The following GATAD2B variants were observed in gnomAD, a reference collection of about 807,000 sequenced individuals.
GATAD2B encodes GATA zinc finger domain containing 2B.
A neutral mutation model predicts 64.3 loss-of-function variants in GATAD2B; 8 were observed. The ratio of observed to expected loss-of-function variants is 0.12; its 90% confidence interval spans 0.07 to 0.22. The LOEUF (loss-of-function observed/expected upper bound fraction) is 0.22, where lower values mean the gene tolerates loss of function less well. Ranked by LOEUF, GATAD2B falls within the 10% of genes least tolerant of loss-of-function variation. The pLI is 1.00. For synonymous variants in GATAD2B, 281 were observed against 271.3 expected, an observed-to-expected ratio of 1.04 and a Z score of -0.35; for missense variants, 453 against 752.0, an observed-to-expected ratio of 0.60 and a Z score of 4.65.
intron 1 of GATAD2B, among the ~76,000 whole-genome samples, chr1:153,850,781 C>G (rs1675860560): frequency 6.6e-6 from 1 of 151,872 alleles, no homozygotes; most frequent in African/African-American, 2.4e-5. Flanking sequence ...ATTAGCCAGG[C>G]GTGGTGGTGT....
intron 1 of GATAD2B, among the ~76,000 whole-genome samples, chr1:153,868,803 T>C (rs1421962390): frequency 1.3e-5 from 2 of 151,336 alleles, no homozygotes; most frequent in African/African-American, 2.4e-5. Flanking sequence ...TGGCACCATC[T>C]TGGCTCACTG....
At chr1:153,920,616 A>G (rs1678401534) in intron 1 of GATAD2B, among the ~76,000 whole-genome samples, 2 of 152,332 alleles carry the variant, frequency 1.3e-5, no homozygotes, top group South Asian at 2.1e-4. Context: ...ACATACGGTC[A>G]GGGAAGGCAA....
chr1:153,850,696 G>A (rs1249483551), intron 1 of GATAD2B, among the ~76,000 whole-genome samples: 1 of 152,086 alleles, frequency 6.6e-6, no homozygotes, highest in Non-Finnish European at 1.5e-5. Context: ...TACGCAGGCG[G>A]ATTGCTTGAG....
Position 153,852,791 on chromosome 1 carries a change from G to A in GATAD2B, c.-1-24443C>T, listed in dbSNP as rs1298137921. 18 of 934,750 alleles carry A rather than the reference G, an allele frequency of 1.9e-5. No individual in the cohort carries two copies. In the East Asian group the frequency reaches 4.1e-4, roughly 21 times the overall value. 57.9% of individuals were successfully genotyped at this position (934,750 alleles called of 1,614,324 possible). A position where few individuals can be genotyped will look rare whatever the true frequency, so the allele number is the denominator to read the frequency against. On this transcript the variant is annotated intron_variant, in intron 1 of 10. Coordinates refer to ENST00000368655, the MANE Select transcript of GATAD2B (RefSeq NM_020699.4). ...AGTCTAACATAACAACTTGGCTTCT[G>A]AACCATATCATATCCTTCAACTTTT...
chr1:153,831,819 GAA>G (rs1675084890), intron 1 of GATAD2B, among the ~76,000 whole-genome samples: 1 of 152,160 alleles, frequency 6.6e-6, no homozygotes, highest in Admixed American at 6.5e-5. Flanking sequence ...GGCAGAGTAG[GAA>G]AAGTCTGCCA....
chr1:153,889,647 T>C (rs1677306582), intron 1 of GATAD2B: 1 of 756,204 alleles, frequency 1.3e-6, no homozygotes, highest in South Asian at 6.0e-5. Flanking sequence ...AAGTTGTAGA[T>C]GCGTGAACGT....
At chr1:153,818,760 C>T (rs952061923) in intron 4 of GATAD2B, 31 bp downstream of exon 4, 1 of 1,606,104 alleles carries the variant, frequency 6.2e-7, no homozygotes, top group African/African-American at 1.3e-5. Context: ...TCTTTCCTTT[C>T]CCTTAGTCCC....
chr1:153,844,184 T>C (rs565205954), intron 1 of GATAD2B, among the ~76,000 whole-genome samples: 76 of 152,024 alleles, frequency 5.0e-4, no homozygotes, highest in African/African-American at 1.8e-3. Flanking sequence ...GATCAGCACA[T>C]GTGACTGAGG....
At chr1:153,904,808 G>C (rs1355326987) in intron 1 of GATAD2B, among the ~76,000 whole-genome samples, 1 of 152,056 alleles carries the variant, frequency 6.6e-6, no homozygotes, top group African/African-American at 2.4e-5. Context: ...CCTGCTTCAA[G>C]CAATTCTCCT....
At chr1:153,887,949 T>C (rs1297984951) in intron 1 of GATAD2B, among the ~76,000 whole-genome samples, 2 of 151,998 alleles carry the variant, frequency 1.3e-5, no homozygotes, top group East Asian at 3.9e-4. Context: ...TAGCCGGGCA[T>C]GGTGGCAGGC....
At chr1:153,880,481 A>G (rs973596389) in intron 1 of GATAD2B, among the ~76,000 whole-genome samples, 1 of 151,938 alleles carries the variant, frequency 6.6e-6, no homozygotes, top group Non-Finnish European at 1.5e-5. Flanking sequence ...AAACAAAAAC[A>G]AAAAACAAAA....
chr1:153,863,252 G>A (rs1179920664), intron 1 of GATAD2B, among the ~76,000 whole-genome samples: 4 of 152,180 alleles, frequency 2.6e-5, no homozygotes, highest in South Asian at 4.1e-4. Flanking sequence ...GGGCCGAGGC[G>A]GGTGGATCAC....
chr1:153,869,969 C>CG (rs1676608256), intron 1 of GATAD2B, among the ~76,000 whole-genome samples: 1 of 151,494 alleles, frequency 6.6e-6, no homozygotes, highest in Non-Finnish European at 1.5e-5. Flanking sequence ...CTACATTTTC[C>CG]TTTTTTTGAG....
chr1:153,826,136 G>A (rs530560066), intron 2 of GATAD2B, among the ~76,000 whole-genome samples: 4 of 151,852 alleles, frequency 2.6e-5, no homozygotes, highest in South Asian at 4.2e-4. Context: ...CCCAAGTAGC[G>A]GGGACTACAG....
At chr1:153,841,137 A>AG (rs1168307304) in intron 1 of GATAD2B, among the ~76,000 whole-genome samples, 1 of 151,574 alleles carries the variant, frequency 6.6e-6, no homozygotes, top group African/African-American at 2.4e-5. Context: ...AAAAAAAAAA[A>AG]AAAAGAAAAA....
intron 2 of GATAD2B, among the ~76,000 whole-genome samples, chr1:153,824,988 A>G (rs1056591946): frequency 5.9e-5 from 9 of 152,268 alleles, no homozygotes; most frequent in African/African-American, 2.2e-4. Flanking sequence ...TGGGTGGCTA[A>G]GGAGCGAGGA....
intron 1 of GATAD2B, among the ~76,000 whole-genome samples, chr1:153,844,198 C>T (rs1370620970): frequency 6.6e-6 from 1 of 151,896 alleles, no homozygotes; most frequent in African/African-American, 2.4e-5. Flanking sequence ...ACTGAGGAAA[C>T]TATCCAAGAC....
At chr1:153,818,354 G>A (rs112353134) in intron 4 of GATAD2B, among the ~76,000 whole-genome samples, 183 bp from the exon 5 acceptor site, 9 of 139,762 alleles carry the variant, frequency 6.4e-5, no homozygotes, top group East Asian at 2.1e-4. Context: ...TTGCTCTGTC[G>A]CCCAGGCTGG....
rs889308804 is a variant in GATAD2B, at chr1:153,815,097, A to C, written c.1216+1176T>G. ...ACTCTGTCTCAAAAAAAAAAAAAAA[A>C]AAAAAAAAAAAAAAACCAACAAAGA... On this transcript the variant is annotated intron_variant, in intron 7 of 10. Transcript: ENST00000368655. Among the ~76,000 whole-genome samples, 45 of 143,678 alleles carry C rather than the reference A, an allele frequency of 3.1e-4. No individual in the cohort carries two copies. The East Asian group carries it at 7.2e-3, about 23-fold the overall frequency. The allele number at this position is 143,678 out of a possible 152,430, so 94.3% of individuals were successfully genotyped here.
Sources: allele counts gnomAD v4.1 joint callset (sites outside exome capture counted in the v4.1 genomes callset), GRCh38; gene constraint gnomAD v4.1.1; transcripts MANE v1.5; gene names NCBI Gene and HGNC (gene_info 2026-07-23, HGNC 2026-07-21).